INPP4B: variants seen among roughly 807,000 people sequenced by gnomAD.
INPP4B encodes inositol polyphosphate-4-phosphatase type II B.
In INPP4B, 55 loss-of-function variants were observed where a neutral mutation model predicts 122.5. The ratio of observed to expected loss-of-function variants is 0.45; its 90% confidence interval spans 0.36 to 0.56. The LOEUF (loss-of-function observed/expected upper bound fraction) is 0.56, where lower values mean the gene tolerates loss of function less well. Ranked by LOEUF, INPP4B falls within the 20% of genes least tolerant of loss-of-function variation. The pLI is 0.00. For missense variants in INPP4B, 1,000 were observed against 1,097.7 expected (o/e 0.91, Z 1.26); for synonymous variants, 403 against 388.7 (o/e 1.04, Z -0.43).
At chr4:142,687,844 G>A (rs926757694) in intron 2 of INPP4B, among the ~76,000 whole-genome samples, 9 of 152,058 alleles carry the variant, frequency 5.9e-5, no homozygotes, top group African/African-American at 2.2e-4. Flanking sequence ...CATCACCTAA[G>A]CTGCCAGGAT....
At chr4:142,522,952 C>T (rs977341580) in intron 2 of INPP4B, among the ~76,000 whole-genome samples, 1 of 152,032 alleles carries the variant, frequency 6.6e-6, no homozygotes, top group African/African-American at 2.4e-5. Flanking sequence ...TTTCTTGTTG[C>T]TAGTAGCAGT....
chr4:142,102,800 T>C (rs1424224781), intron 23 of INPP4B, among the ~76,000 whole-genome samples: 39 of 152,178 alleles, frequency 2.6e-4, no homozygotes, highest in Non-Finnish European at 5.9e-5. Flanking sequence ...GGCCTCATCA[T>C]TGTTACCTCC....
intron 15 of INPP4B, among the ~76,000 whole-genome samples, chr4:142,188,252 C>T (rs1834023017): frequency 6.6e-6 from 1 of 151,722 alleles, no homozygotes; most frequent in Non-Finnish European, 1.5e-5. Context: ...CTTTGGGAGG[C>T]TGAGGCGGGT....
intron 15 of INPP4B, among the ~76,000 whole-genome samples, chr4:142,182,629 AAT>A (rs1300312049): frequency 6.6e-6 from 1 of 151,972 alleles, no homozygotes; most frequent in Non-Finnish European, 1.5e-5. Flanking sequence ...TATTTCTCAA[AAT>A]GTCTCTTTAA....
At chr4:142,149,613 T>C (rs571414545) in intron 17 of INPP4B, among the ~76,000 whole-genome samples, 1 of 152,226 alleles carries the variant, frequency 6.6e-6, no homozygotes, top group East Asian at 1.9e-4. Context: ...TGTGTGCCAC[T>C]TTACAGGAGC....
At chr4:142,544,475 G>A (rs4975315) in intron 2 of INPP4B, among the ~76,000 whole-genome samples, 141,101 of 152,082 alleles carry the variant, frequency 0.93, 66,428 homozygotes, top group East Asian at 1. Flanking sequence ...CCCAAGTCAC[G>A]GGGTTGCCAT....
At chr4:142,340,328 G>A (rs1274847660) in intron 7 of INPP4B, among the ~76,000 whole-genome samples, 1 of 152,078 alleles carries the variant, frequency 6.6e-6, no homozygotes, top group African/African-American at 2.4e-5. Context: ...GGAGATGAGA[G>A]CCAGCCATTT....
At chr4:142,770,096 G>A (rs577841630) in intron 1 of INPP4B, among the ~76,000 whole-genome samples, 26 of 152,130 alleles carry the variant, frequency 1.7e-4, no homozygotes, top group South Asian at 6.2e-4. Context: ...CTGGTATGAC[G>A]TGTGGTGTGA....
chr4:142,557,408 GACCTTGAAGTTC>G (rs1195666212), intron 2 of INPP4B, among the ~76,000 whole-genome samples: 4 of 152,160 alleles, frequency 2.6e-5, no homozygotes, highest in African/African-American at 9.7e-5. Flanking sequence ...GAGACGCACA[GACCTTGAAGTTC>G]ACCTAGTCTA....
At chr4:142,742,290 C>T (rs1768017647) in intron 1 of INPP4B, among the ~76,000 whole-genome samples, 1 of 151,968 alleles carries the variant, frequency 6.6e-6, no homozygotes, top group Non-Finnish European at 1.5e-5. Context: ...TTTGTGGAAC[C>T]CTCAGGTTGC....
intron 11 of INPP4B, among the ~76,000 whole-genome samples, chr4:142,255,488 C>G (rs1222862310): frequency 6.6e-6 from 1 of 151,524 alleles, no homozygotes; most frequent in African/African-American, 2.4e-5. Flanking sequence ...CACATAGGCT[C>G]AAAATAAAAG....
intron 9 of INPP4B, among the ~76,000 whole-genome samples, chr4:142,273,074 C>T (rs1746640744): frequency 6.6e-6 from 1 of 151,970 alleles, no homozygotes; most frequent in African/African-American, 2.4e-5. Flanking sequence ...TATCTGCTAG[C>T]TGTGTGACTT....
intron 7 of INPP4B, among the ~76,000 whole-genome samples, chr4:142,350,702 T>C (rs1474558898): frequency 6.6e-6 from 1 of 151,994 alleles, no homozygotes; most frequent in Non-Finnish European, 1.5e-5. Flanking sequence ...TTCCAAGATT[T>C]AAAAGAGCAA....
intron 1 of INPP4B, among the ~76,000 whole-genome samples, chr4:142,827,282 G>A (rs757120870): frequency 1.3e-5 from 2 of 152,170 alleles, no homozygotes; most frequent in Non-Finnish European, 2.9e-5. Context: ...CACTTCAAGT[G>A]CTCGTCTACA....
chr4:142,222,111 C>T (rs1239897058), intron 12 of INPP4B, among the ~76,000 whole-genome samples: 2 of 152,176 alleles, frequency 1.3e-5, no homozygotes, highest in Non-Finnish European at 1.5e-5. Flanking sequence ...AGGTGGGTGC[C>T]ACCACACCCA....
intron 2 of INPP4B, among the ~76,000 whole-genome samples, chr4:142,602,914 T>A (rs1740361270): frequency 6.6e-6 from 1 of 152,204 alleles, no homozygotes; most frequent in Admixed American, 6.5e-5. Context: ...TGCATGAATA[T>A]GTTCCTTGCA....
intron 3 of INPP4B, among the ~76,000 whole-genome samples, chr4:142,451,039 A>T (rs1580097701): frequency 6.6e-6 from 1 of 151,710 alleles, no homozygotes; most frequent in African/African-American, 2.4e-5. Flanking sequence ...TACAACCCAT[A>T]GACAGAAAAG....
intron 18 of INPP4B, among the ~76,000 whole-genome samples, chr4:142,144,134 A>C (rs1047397723): frequency 6.6e-6 from 1 of 151,748 alleles, no homozygotes. Context: ...TGATTCATCT[A>C]ATCTTACGGC....
At chr4:142,075,921 A>G (rs1427136313) in intron 25 of INPP4B, among the ~76,000 whole-genome samples, 2 of 152,104 alleles carry the variant, frequency 1.3e-5, no homozygotes, top group African/African-American at 4.8e-5. Flanking sequence ...CATAAGTTAA[A>G]TGTATTTGTT....
Sources: gnomAD v4.1 joint callset for allele counts (sites outside exome capture counted in the v4.1 genomes callset) on GRCh38, gnomAD v4.1.1 for gene constraint, MANE v1.5 for transcripts, NCBI Gene and HGNC (gene_info 2026-07-23, HGNC 2026-07-21) for gene names.